The following CHIC2 variants were observed in gnomAD, a reference collection of about 807,000 sequenced individuals.
The protein encoded by CHIC2 is cysteine-rich hydrophobic domain-containing protein 2.
A neutral mutation model predicts 25.9 loss-of-function variants in CHIC2; 14 were observed. That is an observed-to-expected ratio of 0.54 (90% confidence interval 0.36 to 0.85). The LOEUF is 0.85. Among genes scored for constraint, CHIC2 ranks in the 40% least tolerant of loss-of-function variants. The pLI is 0.01. For synonymous variants in CHIC2, 70 were observed against 72.0 expected, an observed-to-expected ratio of 0.97 and a Z score of 0.14; for missense variants, 146 against 202.0, an observed-to-expected ratio of 0.72 and a Z score of 1.68.
In CHIC2 at chr4:54,064,598, A is replaced by C. The variant is rs1006547929; in HGVS notation, c.-298T>G. ...GCCGCCGCCGCAGCAGCAGCAACTC[A>C]GGAAACCACAGCAACAGCCCGAGCC... On this transcript the variant is annotated 5_prime_UTR_variant, in exon 1 of 6. Transcript: ENST00000263921. This position sits in a 1 kb window ranked among gnomAD's most constrained non-coding sequence, Gnocchi z 4.2. 4 of 1,224,552 alleles carry C rather than the reference A, an allele frequency of 3.3e-6. No individual in the cohort carries two copies. In the African/African-American group the frequency reaches 6.4e-5, roughly 20 times the overall value. 75.9% of individuals were successfully genotyped at this position (1,224,552 alleles called of 1,614,324 possible).
At chr4:54,043,680 T>C (rs1233119484) in intron 3 of CHIC2, among the ~76,000 whole-genome samples, 2 of 152,132 alleles carry the variant, frequency 1.3e-5, no homozygotes, top group Admixed American at 6.5e-5. Context: ...GAACAACTGG[T>C]ACCAGCCACT....
At chr4:54,057,605 A>G (rs1049369081) in intron 1 of CHIC2, among the ~76,000 whole-genome samples, 1 of 152,162 alleles carries the variant, frequency 6.6e-6, no homozygotes, top group Admixed American at 6.6e-5. Flanking sequence ...TTTGTCTATT[A>G]GCTGTAAACT....
chr4:54,065,526 G>A (rs1304026086), upstream of CHIC2, among the ~76,000 whole-genome samples: 1 of 152,186 alleles, frequency 6.6e-6, no homozygotes, highest in East Asian at 1.9e-4. Context: ...AGAAGAATGG[G>A]AGAGAAAGAA....
the CHIC2 span, among the ~76,000 whole-genome samples, chr4:54,080,564 A>G: frequency 1.3e-5 from 2 of 151,938 alleles, no homozygotes; most frequent in Admixed American, 6.6e-5. Flanking sequence ...TCAAGAGTTC[A>G]AGACCAACCT....
At chr4:54,043,930 A>T (rs1338987974) in intron 3 of CHIC2, among the ~76,000 whole-genome samples, 5 of 152,216 alleles carry the variant, frequency 3.3e-5, no homozygotes, top group Non-Finnish European at 5.9e-5. Flanking sequence ...AGAGACACAT[A>T]TAGGCTCAAA....
chr4:54,059,501 C>T (rs1717269245), intron 1 of CHIC2: 2 of 151,718 alleles, frequency 1.3e-5, no homozygotes, highest in African/African-American at 4.8e-5. Flanking sequence ...TGATCAGGCC[C>T]CTGCCCACCA....
the CHIC2 span, among the ~76,000 whole-genome samples, chr4:54,085,258 A>G: frequency 4.6e-5 from 7 of 152,142 alleles, no homozygotes; most frequent in Non-Finnish European, 1.5e-5. Context: ...CCTTTTTACC[A>G]CTTTTGTAGG....
At chr4:54,087,478 A>G in the CHIC2 span, 1 of 851,224 alleles carries the variant, frequency 1.2e-6, no homozygotes, top group Non-Finnish European at 1.7e-6. Flanking sequence ...TGACAAGAAT[A>G]AAAGAATATT....
the CHIC2 span, among the ~76,000 whole-genome samples, chr4:54,075,456 G>A: frequency 6.6e-6 from 1 of 152,046 alleles, no homozygotes; most frequent in African/African-American, 2.4e-5. Flanking sequence ...CACCATTGGA[G>A]GATATTTGGA....
the CHIC2 span, among the ~76,000 whole-genome samples, chr4:54,080,466 A>G: frequency 2.6e-5 from 4 of 151,970 alleles, no homozygotes; most frequent in Non-Finnish European, 4.4e-5. Context: ...TTGAAAGATT[A>G]AAGAGCACTG....
the CHIC2 span, among the ~76,000 whole-genome samples, chr4:54,083,564 TC>T: frequency 6.6e-6 from 1 of 152,160 alleles, no homozygotes; most frequent in Non-Finnish European, 1.5e-5. Flanking sequence ...GAAACCCAAG[TC>T]CCCACTGACC....
chr4:54,015,386 A>C (rs538581473), intron 3 of CHIC2, among the ~76,000 whole-genome samples: 1 of 152,250 alleles, frequency 6.6e-6, no homozygotes, highest in Admixed American at 6.5e-5. Context: ...TGATCAGCAG[A>C]CCTCACTTGT....
chr4:54,064,682 C>G, upstream of CHIC2: 3 of 1,022,714 alleles, frequency 2.9e-6, no homozygotes, highest in Non-Finnish European at 2.3e-6. This position sits in a 1 kb window ranked among gnomAD's most constrained non-coding sequence, Gnocchi z 4.2. Flanking sequence ...AACGGGCGGG[C>G]GGGCGCGTGC....
chr4:54,019,746 G>A (rs1715842016), intron 3 of CHIC2, among the ~76,000 whole-genome samples: 1 of 152,068 alleles, frequency 6.6e-6, no homozygotes, highest in South Asian at 2.1e-4. Flanking sequence ...TCTTCTGCCT[G>A]ACCTATTTCC....
the CHIC2 span, among the ~76,000 whole-genome samples, chr4:54,078,939 G>A: frequency 9.9e-5 from 15 of 151,678 alleles, no homozygotes; most frequent in African/African-American, 2.2e-4. Context: ...TTACAGAGCC[G>A]GGTGCGGTGG....
intron 3 of CHIC2, among the ~76,000 whole-genome samples, chr4:54,032,252 G>A (rs1389724531): frequency 1.3e-5 from 2 of 151,558 alleles, no homozygotes; most frequent in Non-Finnish European, 2.9e-5. Flanking sequence ...AGAAGTTGGT[G>A]TATCCTCTCC....
intron 3 of CHIC2, among the ~76,000 whole-genome samples, chr4:54,038,285 T>A (rs912177850): frequency 5.9e-5 from 9 of 152,172 alleles, no homozygotes; most frequent in African/African-American, 2.2e-4. Flanking sequence ...TTGAAGGACA[T>A]GACGTTAATA....
chr4:54,014,898 A>G (rs1014290396), intron 3 of CHIC2, among the ~76,000 whole-genome samples: 3 of 152,158 alleles, frequency 2.0e-5, no homozygotes, highest in Non-Finnish European at 4.4e-5. Context: ...CAGTGTTGCC[A>G]CCAGGATCAA....
At chr4:54,085,909 C>T in the CHIC2 span, among the ~76,000 whole-genome samples, 7 of 151,784 alleles carry the variant, frequency 4.6e-5, no homozygotes, top group African/African-American at 1.2e-4. Flanking sequence ...TTTGGCAAGT[C>T]GTTTAACCTC....
Sources: allele counts gnomAD v4.1 joint callset (sites outside exome capture counted in the v4.1 genomes callset), GRCh38; gene constraint gnomAD v4.1.1; non-coding constraint Gnocchi (gnomAD v3.1); transcripts MANE v1.5; gene names NCBI Gene and HGNC (gene_info 2026-07-23, HGNC 2026-07-21).